The following DDRGK1 variants were observed in gnomAD, a reference collection of about 807,000 sequenced individuals.
DDRGK1 encodes the protein DDRGK domain-containing protein 1.
A neutral mutation model predicts 45.8 loss-of-function variants in DDRGK1; 38 were observed. That is an observed-to-expected ratio of 0.83 (90% CI 0.64 to 1.09). The LOEUF (loss-of-function observed/expected upper bound fraction) is 1.09. DDRGK1 is among the 50% of genes least tolerant of loss of function. The pLI, the probability that DDRGK1 is intolerant of heterozygous loss-of-function variation, is 0.00. For synonymous variants in DDRGK1, 171 were observed against 168.7 expected (o/e 1.01, Z -0.11); for missense variants, 403 against 419.9 (o/e 0.96, Z 0.35).
chr20:3,194,930 T>C, intron 5 of DDRGK1, 62 bp from the exon 6 acceptor site: 1 of 1,594,534 alleles, frequency 6.3e-7, no homozygotes, highest in Non-Finnish European at 8.6e-7. Flanking sequence ...TCTGTACCCA[T>C]TCACCCAAGT....
Position 3,203,428 on chromosome 20 carries a change from A to G in DDRGK1, c.92-12T>C, listed in dbSNP as rs1385056022. 1.1e-5 allele frequency: 17 copies of G among 1,538,528 alleles called. No individual in the cohort carries two copies. The highest frequency in any genetic ancestry group is 1.5e-5 in the Non-Finnish European group (17 of 1,142,982). On this transcript the variant is annotated splice_polypyrimidine_tract_variant and intron_variant, in intron 1 of 8. Coordinates refer to ENST00000354488, the MANE Select transcript of DDRGK1 (RefSeq NM_023935.3). Reference sequence around the variant, plus strand: ...TGGCTCTTGGCCGGCTGTAGGGAAGACAGAAATGACAATGCTGCCTATAAG... The same window carrying G: ...TGGCTCTTGGCCGGCTGTAGGGAAGGCAGAAATGACAATGCTGCCTATAAG...
chr20:3,202,142 G>A (rs1178913929), intron 2 of DDRGK1, among the ~76,000 whole-genome samples: 4 of 150,752 alleles, frequency 2.7e-5, no homozygotes, highest in Non-Finnish European at 5.9e-5. Flanking sequence ...ATCACGCCCG[G>A]CTAATTTTTT....
At position 3,200,364 on chromosome 20, in the gene DDRGK1, T is replaced by C. The variant is rs1481485254; in HGVS notation, c.386A>G (p.Gln129Arg). The change falls in exon 3 of 9, where the codon CAA becomes CGA. Residue 129 changes from glutamine to arginine, a missense_variant. By Grantham distance (43) the Gln-to-Arg change is conservative. Transcript: ENST00000354488. Reference protein sequence around the residue: ...AKKLRKLEEKQARKAQREAEE... With the variant: ...AKKLRKLEEKRARKAQREAEE... ...TGCCTCACGCTGGGCCTTTCGCGCT[T>C]GTTTCTCCTCCAGCTTCCGCAGTTT... is the stretch of plus-strand genomic sequence containing the variant. 4 of 1,573,058 alleles carry C rather than the reference T, an allele frequency of 2.5e-6. No homozygotes were observed. Among genetic ancestry groups the C allele is most frequent in the Non-Finnish European group, 2.6e-6 (3 of 1,158,660 alleles).
Position 3,191,835 on chromosome 20 carries a change from G to A in DDRGK1, c.673-14C>T, listed in dbSNP as rs371018512. On this transcript the variant is annotated splice_polypyrimidine_tract_variant and intron_variant, in intron 6 of 8. Coordinates refer to ENST00000354488, the MANE Select transcript of DDRGK1 (RefSeq NM_023935.3). ...AACCTTGGACTGCTACAAAAAGAAG[G>A]AGGAAAAGAAAGAGAGGCTGAGCTT... is the stretch of plus-strand genomic sequence containing the variant. 11 of 1,603,870 alleles carry A rather than the reference G, an allele frequency of 6.9e-6. No individual in the cohort carries two copies. The African/African-American group carries it at 1.2e-4, about 18-fold the overall frequency.
intron 4 of DDRGK1, among the ~76,000 whole-genome samples, chr20:3,199,110 G>A (rs759318311): frequency 9.2e-5 from 14 of 151,872 alleles, no homozygotes; most frequent in East Asian, 1.9e-4. Context: ...AGCCAAGATC[G>A]TGCCATTGCA....
intron 6 of DDRGK1, among the ~76,000 whole-genome samples, chr20:3,194,618 C>T (rs2067002102): frequency 6.6e-6 from 1 of 152,230 alleles, no homozygotes; most frequent in Non-Finnish European, 1.5e-5. Context: ...CAAAGGCTTG[C>T]GCCTCCCACA....
chr20:3,195,385 G>A (rs201930178), intron 4 of DDRGK1, 32 bp from the exon 5 acceptor site: 178 of 1,567,298 alleles, frequency 1.1e-4, no homozygotes, highest in Middle Eastern at 1.7e-4. Flanking sequence ...GTCAGGTATC[G>A]GGGGCAGAAC....
At position 3,190,733 on chromosome 20, in the gene DDRGK1, C is replaced by A. The variant is rs760049574; in HGVS notation, c.865G>T (p.Val289Leu). The A allele has an allele frequency of 6.2e-7, 1 of 1,614,054 alleles. No homozygotes were observed. The highest frequency in any genetic ancestry group is 8.5e-7 in the Non-Finnish European group (1 of 1,180,036). ...VANFIRQRGR[V>L]SIAELAQASN... ...GCTTGGGCAAGCTCGGCGATGGACACCCGGCCCCGCTGTCGGATGAAGTTG... is the reference window on the plus strand; with the variant it reads ...GCTTGGGCAAGCTCGGCGATGGACAACCGGCCCCGCTGTCGGATGAAGTTG... Residue 289 changes from valine (V) to leucine (L), a missense_variant, in exon 9 of 9, where the codon GTG becomes TTG. Coordinates refer to ENST00000354488, the MANE Select transcript of DDRGK1 (RefSeq NM_023935.3).
At chr20:3,199,806 C>A (rs1273253531) in intron 4 of DDRGK1, among the ~76,000 whole-genome samples, 195 bp downstream of exon 4, 1 of 152,192 alleles carries the variant, frequency 6.6e-6, no homozygotes, top group African/African-American at 2.4e-5. Flanking sequence ...GCACAAAAAT[C>A]CCCACTCCAG....
intron 2 of DDRGK1, among the ~76,000 whole-genome samples, chr20:3,201,508 A>C (rs1339629815): frequency 1.3e-5 from 2 of 151,456 alleles, no homozygotes; most frequent in African/African-American, 4.8e-5. Flanking sequence ...TGAGAACTTT[A>C]GATATTGCAT....
chr20:3,201,721 G>C (rs1418518156), intron 2 of DDRGK1, among the ~76,000 whole-genome samples: 1 of 150,852 alleles, frequency 6.6e-6, no homozygotes, highest in African/African-American at 2.4e-5. Flanking sequence ...GCAGTGGCGC[G>C]ATCTCGGCTC....
intron 4 of DDRGK1, 81 bp downstream of exon 4, chr20:3,199,920 G>T: frequency 1.5e-6 from 2 of 1,314,066 alleles, no homozygotes; most frequent in Non-Finnish European, 2.0e-6. Flanking sequence ...CTTCTAGGTT[G>T]GAGGTGCCAG....
Position 3,204,646 on chromosome 20 carries a change from G to C in DDRGK1, c.-19C>G. 1.3e-6 allele frequency: 2 copies of C among 1,564,662 alleles called. No individual in the cohort carries two copies. The highest frequency in any genetic ancestry group is 1.7e-6 in the Non-Finnish European group (2 of 1,159,402). Reference sequence around the variant, plus strand: ...CCACCATGACGAGGGCCTCAGTGCAGAACCACTGCGTCCACCCTGAGGCCG... The same window carrying C: ...CCACCATGACGAGGGCCTCAGTGCACAACCACTGCGTCCACCCTGAGGCCG... On this transcript the variant is annotated 5_prime_UTR_variant, in exon 1 of 9. Coordinates refer to ENST00000354488, the MANE Select transcript of DDRGK1 (RefSeq NM_023935.3).
intron 2 of DDRGK1, among the ~76,000 whole-genome samples, chr20:3,200,979 G>A (rs556833184): frequency 7.9e-5 from 12 of 152,224 alleles, no homozygotes; most frequent in East Asian, 5.8e-4. Flanking sequence ...GTGTGGTGGC[G>A]GGCACCTGTA....
intron 1 of DDRGK1, among the ~76,000 whole-genome samples, 199 bp from the exon 2 acceptor site, chr20:3,203,615 C>T (rs958538868): frequency 6.6e-6 from 1 of 152,248 alleles, no homozygotes; most frequent in Admixed American, 6.5e-5. Context: ...TCAGCCCTTC[C>T]CTCGGGCCTG....
chr20:3,203,577 G>C (rs1167348916), intron 1 of DDRGK1, among the ~76,000 whole-genome samples, 161 bp from the exon 2 acceptor site: 1 of 152,242 alleles, frequency 6.6e-6, no homozygotes, highest in Non-Finnish European at 1.5e-5. Context: ...TTTTCCACCA[G>C]GCCCACAGCT....
At chr20:3,198,802 T>C (rs532399442) in intron 4 of DDRGK1, among the ~76,000 whole-genome samples, 21 of 131,508 alleles carry the variant, frequency 1.6e-4, no homozygotes, top group African/African-American at 6.2e-4. Flanking sequence ...GCATCCTAGA[T>C]GGGACCCTGG....
Position 3,203,238 on chromosome 20 carries a change from C to T in DDRGK1, c.270G>A (p.Glu90=). ...CTAGGATGACAGCTTCCTCCTCGTT[C>T]TCATCTGCTTCTGCCCAGGCCACCC... ...AQRVAWAEAD[E]NEEEAVILAQ... Residue 90 remains glutamate (E), a synonymous_variant, in exon 2 of 9, where the codon GAG becomes GAA. Transcript: ENST00000354488. 1 of 1,599,052 alleles carries T rather than the reference C, an allele frequency of 6.3e-7. No homozygotes were observed. The highest frequency in any genetic ancestry group is 8.5e-7 in the Non-Finnish European group (1 of 1,171,048).
intron 4 of DDRGK1, among the ~76,000 whole-genome samples, chr20:3,199,355 C>T (rs1346339669): frequency 6.6e-6 from 1 of 152,146 alleles, no homozygotes; most frequent in Non-Finnish European, 1.5e-5. Flanking sequence ...TCTGCTAATG[C>T]CTCCCCCATG....
Sources: allele counts gnomAD v4.1 joint callset (sites outside exome capture counted in the v4.1 genomes callset), GRCh38; gene constraint gnomAD v4.1.1; transcripts MANE v1.5; gene names NCBI Gene and HGNC (gene_info 2026-07-23, HGNC 2026-07-21).